Variants in PRR5 observed in about 807,000 individuals in gnomAD.
PRR5 encodes proline-rich protein 5.
A neutral mutation model predicts 30.6 loss-of-function variants in PRR5; 25 were observed. That is an observed-to-expected ratio of 0.82 (90% confidence interval 0.60 to 1.14). The LOEUF (loss-of-function observed/expected upper bound fraction) is 1.14, where lower values mean the gene tolerates loss of function less well. Ranked by LOEUF, PRR5 falls within the 50% of genes most tolerant of loss-of-function variation. The pLI is 0.00. For synonymous variants in PRR5, 286 were observed against 247.1 expected, an observed-to-expected ratio of 1.16 and a Z score of -1.48; for missense variants, 600 against 547.1, an observed-to-expected ratio of 1.10 and a Z score of -0.96.
intron 1 of PRR5, among the ~76,000 whole-genome samples, chr22:44,690,669 T>C (rs1925159675): frequency 6.6e-6 from 1 of 152,232 alleles, no homozygotes; most frequent in Non-Finnish European, 1.5e-5. Context: ...CGCGATCCTC[T>C]GGCTGCACAG....
At chr22:44,714,722 T>C (rs1928790503) in intron 2 of PRR5, 51 bp downstream of exon 2, 1 of 1,606,424 alleles carries the variant, frequency 6.2e-7, no homozygotes, top group Non-Finnish European at 8.5e-7. Flanking sequence ...CAGGGAGGGC[T>C]AGGCCCAGAG....
chr22:44,670,394 C>T lies in PRR5; in HGVS notation c.-11+1589C>T, dbSNP rs1047865386. Reference sequence around the variant, plus strand: ...CTGAGTCAGGATCCCAGCTCCAGCACTGGCTGGCTGTGTGGCCCTGGACAA... The same window carrying T: ...CTGAGTCAGGATCCCAGCTCCAGCATTGGCTGGCTGTGTGGCCCTGGACAA... On this transcript the variant is annotated intron_variant, in intron 1 of 8. Transcript: ENST00000432186. 1.2e-4 allele frequency among the ~76,000 whole-genome samples: 19 copies of T among 152,334 alleles called. No homozygotes were observed. In the East Asian group the frequency reaches 2.1e-3, roughly 17 times the overall value.
At chr22:44,683,924 A>G (rs12165506) in intron 1 of PRR5, among the ~76,000 whole-genome samples, 13,664 of 152,256 alleles carry the variant, frequency 0.09, 757 homozygotes, top group East Asian at 0.27. Context: ...GGGCCAGCCC[A>G]ATCCTTTGTC....
At chr22:44,677,557 A>C (rs1401624086) in intron 1 of PRR5, among the ~76,000 whole-genome samples, 1 of 152,234 alleles carries the variant, frequency 6.6e-6, no homozygotes, top group African/African-American at 2.4e-5. Context: ...GGTGGGACGA[A>C]GGGCAGGGGG....
chr22:44,714,177 T>C (rs1928700369), intron 1 of PRR5, among the ~76,000 whole-genome samples: 1 of 151,964 alleles, frequency 6.6e-6, no homozygotes, highest in African/African-American at 2.4e-5. Context: ...AGGGACGCAG[T>C]GATGATCCTG....
chr22:44,712,875 A>G (rs571338959), intron 1 of PRR5, among the ~76,000 whole-genome samples: 20 of 152,152 alleles, frequency 1.3e-4, no homozygotes, highest in Non-Finnish European at 2.9e-4. Context: ...TGACCAGGAA[A>G]GTGAATCAGC....
chr22:44,734,701 G>T, intron 6 of PRR5: 1 of 315,662 alleles, frequency 3.2e-6, no homozygotes, highest in East Asian at 6.2e-5. Context: ...ACTGTCCAAA[G>T]CCTCTAGGAC....
intron 1 of PRR5, among the ~76,000 whole-genome samples, chr22:44,713,702 G>A (rs1363547202): frequency 6.6e-6 from 1 of 152,198 alleles, no homozygotes; most frequent in Non-Finnish European, 1.5e-5. Flanking sequence ...GTCACGTTGA[G>A]CAGTTGTAAC....
chr22:44,670,524 G>A (rs900375896), intron 1 of PRR5, among the ~76,000 whole-genome samples: 1 of 152,216 alleles, frequency 6.6e-6, no homozygotes, highest in Non-Finnish European at 1.5e-5. Context: ...GTCCAAAGAA[G>A]TGTGGTACCC....
chr22:44,677,184 C>CA (rs1194754534), exon 1 of PRR5: 3 of 152,398 alleles, frequency 2.0e-5, no homozygotes. Context: ...GCTGGGATTC[C>CA]ACCTGTGCCC....
chr22:44,737,584 G>A lies in PRR5; in HGVS notation c.*337G>A, dbSNP rs781344951. ...TGTAAACCCAGTGGGCTCTGCCCAC[G>A]CCGGGCCCCAAAGTGACCAGACTCC... On this transcript the variant is annotated 3_prime_UTR_variant, in exon 8 of 8. Transcript: ENST00000336985. The A allele has an allele frequency of 1.4e-5, 4 of 285,452 alleles. No homozygotes were observed. Among genetic ancestry groups the A allele is most frequent in the Non-Finnish European group, 2.6e-5 (4 of 152,470 alleles). The allele number at this position is 285,452 out of a possible 1,614,324, so 17.7% of individuals were successfully genotyped here.
intron 1 of PRR5, among the ~76,000 whole-genome samples, chr22:44,713,092 T>C (rs559384701): frequency 1.6e-4 from 25 of 152,204 alleles, no homozygotes; most frequent in African/African-American, 6.0e-4. Context: ...GGGTCAGAGC[T>C]CAGGATGCCC....
At chr22:44,721,587 G>A (rs1050164170) in intron 2 of PRR5, among the ~76,000 whole-genome samples, 5 of 152,156 alleles carry the variant, frequency 3.3e-5, no homozygotes, top group African/African-American at 9.7e-5. Context: ...AGTAGCCTCC[G>A]GTCCTTTTGT....
At position 44,735,124 on chromosome 22, in the gene PRR5, A is replaced by G. The variant is rs764236906; in HGVS notation, c.653A>G (p.His218Arg). The G allele has an allele frequency of 6.2e-7, 1 of 1,612,886 alleles. No individual in the cohort carries two copies. The highest frequency in any genetic ancestry group is 1.3e-5 in the African/African-American group (1 of 74,944). The change falls in exon 7 of 8, where the codon CAC becomes CGC. Residue 218 changes from histidine (H) to arginine (R), a missense_variant. Transcript: ENST00000336985. ...VSPYLGTYGL[H>R]SSEGPFTHSC... ...CCATACCTGGGCACCTACGGCCTCC[A>G]CTCCAGCGAGGGGCCCTTCACCCAT...
At chr22:44,705,905 CT>C (rs538859254) in intron 1 of PRR5, among the ~76,000 whole-genome samples, 241 of 152,268 alleles carry the variant, frequency 1.6e-3, no homozygotes, top group Non-Finnish European at 3.0e-3. Context: ...AATTCTCCTG[CT>C]TCAGCCTCCC....
intron 1 of PRR5, among the ~76,000 whole-genome samples, chr22:44,687,714 C>T (rs545047946): frequency 4.6e-4 from 70 of 152,268 alleles, no homozygotes; most frequent in African/African-American, 1.5e-3. Context: ...ATAAACCCTC[C>T]GTCTCAACAC....
chr22:44,701,049 A>C (rs1286600999), upstream of PRR5, among the ~76,000 whole-genome samples: 1 of 138,700 alleles, frequency 7.2e-6, no homozygotes, highest in Non-Finnish European at 1.6e-5. Flanking sequence ...CGCCCAGCTA[A>C]TTTTGTATTT....
intron 4 of PRR5, among the ~76,000 whole-genome samples, chr22:44,728,097 G>C (rs3827390): frequency 0.35 from 52,939 of 152,112 alleles, 10,530 homozygotes; most frequent in African/African-American, 0.54. Context: ...CTCTGCGTGG[G>C]ACAGCCAGGT....
intron 1 of PRR5, among the ~76,000 whole-genome samples, chr22:44,684,950 C>T (rs572672602): frequency 5.3e-5 from 8 of 152,270 alleles, no homozygotes; most frequent in Non-Finnish European, 1.2e-4. Flanking sequence ...AGTGGCAGCC[C>T]GGGACTCAGG....
Sources: allele counts gnomAD v4.1 joint callset (sites outside exome capture counted in the v4.1 genomes callset), GRCh38; gene constraint gnomAD v4.1.1; transcripts MANE v1.5; gene names NCBI Gene and HGNC (gene_info 2026-07-23, HGNC 2026-07-21).